MATN2: variants seen among roughly 807,000 people sequenced by gnomAD.
MATN2 encodes the protein matrilin 2, also known as matrilin-2.
A neutral mutation model predicts 103.2 loss-of-function variants in MATN2; 69 were observed. The ratio of observed to expected loss-of-function variants is 0.67; its 90% CI spans 0.55 to 0.82. The LOEUF (loss-of-function observed/expected upper bound fraction) is 0.82, where lower values mean the gene tolerates loss of function less well. Among genes scored for constraint, MATN2 ranks in the 40% least tolerant of loss-of-function variants. The pLI is 0.00. For missense variants in MATN2, 1,023 were observed against 1,211.5 expected (o/e 0.84, Z 2.31); for synonymous variants, 429 against 450.2 (o/e 0.95, Z 0.60).
intron 10 of MATN2, among the ~76,000 whole-genome samples, chr8:98,008,727 C>T (rs954906868): frequency 9.2e-5 from 14 of 152,128 alleles, no homozygotes; most frequent in African/African-American, 1.7e-4. Flanking sequence ...TGAACTGCAT[C>T]GACATTGACA....
At chr8:97,916,591 TC>T (rs1809638090) in intron 2 of MATN2, among the ~76,000 whole-genome samples, 2 of 152,136 alleles carry the variant, frequency 1.3e-5, no homozygotes, top group Admixed American at 6.6e-5. Flanking sequence ...GTCCGTGTGT[TC>T]CCATCATTTA....
At chr8:97,891,445 C>T (rs1303424762) in intron 2 of MATN2, among the ~76,000 whole-genome samples, 1 of 152,106 alleles carries the variant, frequency 6.6e-6, no homozygotes, top group Non-Finnish European at 1.5e-5. Flanking sequence ...TTAAGCAATC[C>T]TCCAACCTCA....
chr8:97,969,137 A>C (rs1402013671), intron 5 of MATN2, among the ~76,000 whole-genome samples: 2 of 152,192 alleles, frequency 1.3e-5, no homozygotes, highest in East Asian at 3.8e-4. Flanking sequence ...CCACACTTTT[A>C]AACAACCAGG....
intron 7 of MATN2, among the ~76,000 whole-genome samples, chr8:97,997,642 C>T (rs553322577): frequency 6.2e-4 from 94 of 152,194 alleles, no homozygotes; most frequent in African/African-American, 2.1e-3. Flanking sequence ...TGTCAGAGCA[C>T]CTATCATGGT....
chr8:97,913,653 C>T (rs1401066937), intron 2 of MATN2, among the ~76,000 whole-genome samples: 5 of 135,670 alleles, frequency 3.7e-5, no homozygotes, highest in East Asian at 2.3e-4. Context: ...CTCACTGTGT[C>T]GCCCAGGCTG....
chr8:98,027,863 C>G (rs767415890), intron 14 of MATN2, 34 bp downstream of exon 14: 26 of 1,514,992 alleles, frequency 1.7e-5, no homozygotes, highest in Admixed American at 2.2e-5. Context: ...TTACACCACT[C>G]AAGGTTCAGG....
At chr8:97,910,332 A>G (rs1224817416) in intron 2 of MATN2, among the ~76,000 whole-genome samples, 1 of 152,158 alleles carries the variant, frequency 6.6e-6, no homozygotes. Context: ...TGCTGGGATT[A>G]CAGGTATGAG....
chr8:97,914,605 C>T lies in MATN2; in HGVS notation c.143-16348C>T, dbSNP rs549424796. ...CTGAGCTCAAGTGATCCTCTTGCCTCAGCCTCCCAAAGTGCTGAGATTACA... is the reference window on the plus strand; with the variant it reads ...CTGAGCTCAAGTGATCCTCTTGCCTTAGCCTCCCAAAGTGCTGAGATTACA... On this transcript the variant is annotated intron_variant, in intron 2 of 18. Coordinates refer to ENST00000254898, the MANE Select transcript of MATN2 (RefSeq NM_002380.5). 7.2e-5 allele frequency among the ~76,000 whole-genome samples: 11 copies of T among 151,942 alleles called. No homozygotes were observed. The East Asian group carries it at 2.1e-3, about 30-fold the overall frequency.
At chr8:97,881,399 A>G (rs73274292) in intron 1 of MATN2, among the ~76,000 whole-genome samples, 9,295 of 152,226 alleles carry the variant, frequency 0.061, 964 homozygotes, top group African/African-American at 0.21. Context: ...TCGCCTGTGG[A>G]TTTACTTGCA....
intron 1 of MATN2, among the ~76,000 whole-genome samples, chr8:97,870,691 G>T (rs1308139561): frequency 6.6e-6 from 1 of 152,160 alleles, no homozygotes; most frequent in Non-Finnish European, 1.5e-5. Context: ...GGTACGTGAG[G>T]GTGGCAGATA....
rs1481490923 is a variant in MATN2, at chr8:97,888,087, T to G, written c.-14T>G. On this transcript the variant is annotated 5_prime_UTR_variant, in exon 2 of 19. Coordinates refer to ENST00000254898, the MANE Select transcript of MATN2 (RefSeq NM_002380.5). The stretch of plus-strand genomic sequence containing the variant: ...GTGTTTGTCACAGCCTTGCCCCTCT[T>G]GCTCGCCTTGAAAATGGAAAAGATG... 6.2e-7 allele frequency: 1 copy of G among 1,607,584 alleles called. No homozygotes were observed. The highest frequency in any genetic ancestry group is 1.1e-5 in the South Asian group (1 of 89,836).
In MATN2 at chr8:97,906,162, G is replaced by A. The variant is rs529372265; in HGVS notation, c.142+17920G>A. 4.9e-4 allele frequency among the ~76,000 whole-genome samples: 74 copies of A among 152,240 alleles called. 1 individual carries two copies. In the South Asian group the frequency reaches 0.014, roughly 29 times the overall value. On this transcript the variant is annotated intron_variant, in intron 2 of 18. Transcript: ENST00000254898. ...TGTTACATTCCCACCAGCAGTACAC[G>A]AGGGTTCCAATTTCTCCACATCCTC... is the stretch of plus-strand genomic sequence containing the variant.
At chr8:97,901,753 G>A (rs1322757857) in intron 2 of MATN2, among the ~76,000 whole-genome samples, 1 of 152,186 alleles carries the variant, frequency 6.6e-6, no homozygotes, top group Non-Finnish European at 1.5e-5. Flanking sequence ...GGCACCATGG[G>A]TGCATAGGAT....
rs574413174 is a variant in MATN2 at position 98,030,623 on chromosome 8, G to A, written c.2509+9G>A. On this transcript the variant is annotated intron_variant, in intron 15 of 18. Coordinates refer to ENST00000254898, the MANE Select transcript of MATN2 (RefSeq NM_002380.5). ...GAAAGGCATCTGTGAAGGTACTATA[G>A]CTTACGCCGAAGACCTTAGCAAACA... The A allele has an allele frequency of 5.6e-6, 9 of 1,610,062 alleles. No homozygotes were observed. The South Asian group carries it at 1.0e-4, about 18-fold the overall frequency.
intron 10 of MATN2, among the ~76,000 whole-genome samples, chr8:98,012,352 G>A (rs184342144): frequency 3.9e-5 from 6 of 152,306 alleles, no homozygotes; most frequent in South Asian, 2.1e-4. Flanking sequence ...GGATGGAGCC[G>A]TGGGAGCACC....
intron 6 of MATN2, among the ~76,000 whole-genome samples, chr8:97,986,463 C>T (rs1199470031): frequency 1.3e-5 from 2 of 152,286 alleles, no homozygotes; most frequent in East Asian, 1.9e-4. Context: ...ACCCCAAGTC[C>T]ATTGTATCAT....
chr8:97,974,555 T>C (rs940436492), intron 5 of MATN2, among the ~76,000 whole-genome samples: 2 of 152,210 alleles, frequency 1.3e-5, no homozygotes, highest in African/African-American at 4.8e-5. Context: ...CAAATGATTC[T>C]GCTGCTTCAG....
intron 2 of MATN2, among the ~76,000 whole-genome samples, chr8:97,893,088 A>G (rs932883591): frequency 2.0e-5 from 3 of 152,144 alleles, no homozygotes; most frequent in Non-Finnish European, 4.4e-5. Flanking sequence ...GAGGGCTTTA[A>G]GCAGTCAACA....
intron 7 of MATN2, among the ~76,000 whole-genome samples, chr8:98,003,456 T>C (rs1387375513): frequency 6.6e-6 from 1 of 152,216 alleles, no homozygotes; most frequent in Admixed American, 6.5e-5. Context: ...AGGGCCTCCA[T>C]CTCAGTCGTC....
Sources: gnomAD v4.1 joint callset for allele counts (sites outside exome capture counted in the v4.1 genomes callset) on GRCh38, gnomAD v4.1.1 for gene constraint, MANE v1.5 for transcripts, NCBI Gene and HGNC (gene_info 2026-07-23, HGNC 2026-07-21) for gene names.